The following VIPR2 variants were observed in gnomAD, a reference collection of about 807,000 sequenced individuals.
VIPR2 encodes the protein vasoactive intestinal peptide receptor 2, also known as vasoactive intestinal polypeptide receptor 2.
VIPR2 carries 48 observed loss-of-function variants against 58.0 expected under a neutral mutation model. The observed-to-expected ratio is 0.83, with a 90% CI of 0.66 to 1.05. The LOEUF is 1.05. VIPR2 is among the 50% of genes least tolerant of loss of function. The pLI is 0.00. For missense variants in VIPR2, 534 were observed against 558.0 expected, an observed-to-expected ratio of 0.96 and a Z score of 0.43; for synonymous variants, 243 against 235.2, an observed-to-expected ratio of 1.03 and a Z score of -0.30.
Position 159,127,518 on chromosome 7 carries a change from G to A in VIPR2, c.151+14928C>T, listed in dbSNP as rs766348395. Among the ~76,000 whole-genome samples, 26 of 152,150 alleles carry A rather than the reference G, an allele frequency of 1.7e-4. No individual in the cohort carries two copies. The highest frequency in any genetic ancestry group is 3.4e-4 in the Non-Finnish European group (23 of 68,030). ...CAAAACAACCCAAACATCCAAGTAT[G>A]CTCCAAATTGAGCCTGAGTCAGTCC... On this transcript the variant is annotated intron_variant, in intron 2 of 12. Coordinates refer to ENST00000262178, the MANE Select transcript of VIPR2 (RefSeq NM_003382.5). The surrounding 1 kb of genome is among the most constrained non-coding windows in gnomAD (Gnocchi z 4.6).
intron 4 of VIPR2, among the ~76,000 whole-genome samples, chr7:159,078,038 C>T (rs1369507986): frequency 1.3e-5 from 2 of 152,192 alleles, no homozygotes; most frequent in Admixed American, 6.5e-5. Context: ...TCAGAGAAAT[C>T]GCTGCCACAG....
chr7:159,038,954 C>T (rs1419847704), intron 6 of VIPR2, among the ~76,000 whole-genome samples: 1 of 152,112 alleles, frequency 6.6e-6, no homozygotes, highest in Non-Finnish European at 1.5e-5. Flanking sequence ...TTTTAGAGGG[C>T]CGGAACAGCT....
At chr7:159,118,467 G>A (rs951435434) in intron 2 of VIPR2, among the ~76,000 whole-genome samples, 6 of 152,194 alleles carry the variant, frequency 3.9e-5, no homozygotes, top group African/African-American at 1.2e-4. Flanking sequence ...GGAGAACAGC[G>A]TGCTCAGCAT....
chr7:159,041,915 G>C (rs1015370845), intron 6 of VIPR2, among the ~76,000 whole-genome samples: 8 of 152,066 alleles, frequency 5.3e-5, no homozygotes, highest in Non-Finnish European at 7.4e-5. Flanking sequence ...TTACACATGT[G>C]GGGAGACCCT....
intron 6 of VIPR2, among the ~76,000 whole-genome samples, chr7:159,040,452 G>A (rs559328331): frequency 2.0e-5 from 3 of 152,358 alleles, no homozygotes; most frequent in Non-Finnish European, 4.4e-5. Flanking sequence ...AGACCCCGCA[G>A]GGGAACCTGC....
chr7:159,079,357 C>T (rs1407733982), intron 4 of VIPR2, among the ~76,000 whole-genome samples: 1 of 152,134 alleles, frequency 6.6e-6, no homozygotes, highest in Non-Finnish European at 1.5e-5. Flanking sequence ...GAACAACCTG[C>T]TCCTGAATGA....
chr7:159,075,434 T>C (rs1015255774), intron 4 of VIPR2, among the ~76,000 whole-genome samples: 7 of 152,358 alleles, frequency 4.6e-5, no homozygotes, highest in African/African-American at 1.7e-4. Flanking sequence ...AGTTTTGGCT[T>C]TGAAGTCTCC....
At chr7:159,082,034 A>C (rs986604247) in intron 4 of VIPR2, among the ~76,000 whole-genome samples, 1 of 152,258 alleles carries the variant, frequency 6.6e-6, no homozygotes, top group Non-Finnish European at 1.5e-5. Flanking sequence ...AAACTAGTTC[A>C]ACCATTGTGG....
intron 2 of VIPR2, among the ~76,000 whole-genome samples, chr7:159,136,768 A>G (rs914396933): frequency 6.6e-6 from 1 of 152,198 alleles, no homozygotes; most frequent in Non-Finnish European, 1.5e-5. Context: ...ATAAGTAAAG[A>G]ATGTGAAATG....
At chr7:159,047,553 A>C (rs1854730757) in intron 5 of VIPR2, among the ~76,000 whole-genome samples, 1 of 152,134 alleles carries the variant, frequency 6.6e-6, no homozygotes, top group African/African-American at 2.4e-5. Flanking sequence ...AAAACCCTGA[A>C]TTTATTGCAA....
In VIPR2 at chr7:159,030,641, A is replaced by C. The variant is rs552379524; in HGVS notation, c.1292T>G (p.Leu431Arg). 17 of 1,554,344 alleles carry C rather than the reference A, an allele frequency of 1.1e-5. No homozygotes were observed. The highest frequency in any genetic ancestry group is 4.4e-4 in the Middle Eastern group (2 of 4,514). The change falls in exon 13 of 13, where the codon CTG (leucine) becomes CGG (arginine). Residue 431 changes from leucine (L) to arginine (R), a missense_variant. By Grantham distance (102) the Leu-to-Arg change is moderately radical (BLOSUM62 -2). This residue lies in a region of VIPR2 where 306 missense variants were observed against 285.8 expected (regional missense o/e 1.07). Coordinates refer to ENST00000262178, the MANE Select transcript of VIPR2 (RefSeq NM_003382.5). ...FHRGSRAQSFLQTETSVI is the reference protein window; with the variant it reads ...FHRGSRAQSFRQTETSVI Reference sequence around the variant, plus strand: ...CTAGATGACCGAGGTCTCCGTTTGCAGGAAGGACTGGGCGCGGGAGCCGCG... The same window carrying C: ...CTAGATGACCGAGGTCTCCGTTTGCCGGAAGGACTGGGCGCGGGAGCCGCG...
chr7:159,114,824 AAAGG>A (rs1796175690), intron 2 of VIPR2, among the ~76,000 whole-genome samples: 1 of 148,824 alleles, frequency 6.7e-6, no homozygotes, highest in Non-Finnish European at 1.5e-5. Flanking sequence ...AGGGAGAGAG[AAAGG>A]AAGGAAGAAG....
chr7:159,108,411 A>G (rs145020425), intron 3 of VIPR2, among the ~76,000 whole-genome samples: 1 of 152,346 alleles, frequency 6.6e-6, no homozygotes, highest in Non-Finnish European at 1.5e-5. Context: ...AAGCAGAAGC[A>G]TATTTCCCCT....
rs1853519952 is a variant in VIPR2 at position 159,030,862 on chromosome 7, C to T, written c.1144-73G>A. The T allele has an allele frequency of 3.5e-6, 5 of 1,419,554 alleles. No homozygotes were observed. In the South Asian group the frequency reaches 4.6e-5, roughly 13 times the overall value. The allele number at this position is 1,419,554 out of a possible 1,614,324, so 87.9% of individuals were successfully genotyped here. A position where few individuals can be genotyped will look rare whatever the true frequency, so the allele number is the denominator to read the frequency against. On this transcript the variant is annotated intron_variant, in intron 12 of 12. Transcript: ENST00000262178. ...GGCGGCTGCTATGGGAAGCGCGGCCCGCGAGCCTCCAGCTCTCCCTCCCGC... is the reference window on the plus strand; with the variant it reads ...GGCGGCTGCTATGGGAAGCGCGGCCTGCGAGCCTCCAGCTCTCCCTCCCGC...
chr7:159,114,258 G>A (rs769491239), intron 2 of VIPR2, among the ~76,000 whole-genome samples: 13 of 152,050 alleles, frequency 8.5e-5, no homozygotes, highest in Non-Finnish European at 7.4e-5. Flanking sequence ...AGTGTGCGCC[G>A]AGGCACAGGA....
chr7:159,119,054 G>T (rs922793433), intron 2 of VIPR2, among the ~76,000 whole-genome samples: 1 of 152,190 alleles, frequency 6.6e-6, no homozygotes, highest in Non-Finnish European at 1.5e-5. Context: ...AGGATTCTTC[G>T]TGGTTCCAAG....
chr7:159,117,556 TG>T, intron 2 of VIPR2: 1 of 635,982 alleles, frequency 1.6e-6, no homozygotes, highest in Non-Finnish European at 2.9e-6. Context: ...ACCTGCACCA[TG>T]CTTGCCACGC....
At chr7:159,139,047 G>A (rs894305244) in intron 2 of VIPR2, among the ~76,000 whole-genome samples, 6 of 152,212 alleles carry the variant, frequency 3.9e-5, no homozygotes, top group African/African-American at 1.4e-4. Flanking sequence ...GTCACAGGAT[G>A]CTGTGGGACA....
In VIPR2 at chr7:159,058,147, G is replaced by A. The variant is rs188396598; in HGVS notation, c.455+334C>T. Among the ~76,000 whole-genome samples the A allele has an allele frequency of 1.5e-4, 23 of 152,326 alleles. 1 individual carries two copies. The highest frequency in any genetic ancestry group is 1.4e-3 in the Admixed American group (21 of 15,304). Reference sequence around the variant, plus strand: ...CACGTCGTAGCATCTCTCTAATAGAGCACCTACAGCCAAAACACAGGAGCT... The same window carrying A: ...CACGTCGTAGCATCTCTCTAATAGAACACCTACAGCCAAAACACAGGAGCT... On this transcript the variant is annotated intron_variant, in intron 5 of 12. Coordinates refer to ENST00000262178, the MANE Select transcript of VIPR2 (RefSeq NM_003382.5).
Sources: allele counts gnomAD v4.1 joint callset (sites outside exome capture counted in the v4.1 genomes callset), GRCh38; gene constraint gnomAD v4.1.1; regional missense constraint gnomAD v4.1.1; non-coding constraint Gnocchi (gnomAD v3.1); transcripts MANE v1.5; gene names NCBI Gene and HGNC (gene_info 2026-07-23, HGNC 2026-07-21).